PPP2R5A: variants seen among roughly 807,000 people sequenced by gnomAD.
PPP2R5A encodes the protein protein phosphatase 2 regulatory subunit B'alpha.
Under a neutral mutation model 64.2 loss-of-function variants are expected in PPP2R5A, and 25 were observed. The ratio of observed to expected loss-of-function variants is 0.39; its 90% CI spans 0.28 to 0.54. PPP2R5A has a LOEUF of 0.54. PPP2R5A is among the 20% of genes least tolerant of loss of function. The pLI, the probability that PPP2R5A is intolerant of heterozygous loss-of-function variation, is 0.67. For missense variants in PPP2R5A, 425 were observed against 576.3 expected (o/e 0.74, Z 2.69); for synonymous variants, 198 against 201.2 (o/e 0.98, Z 0.13).
rs767586562 is a variant in PPP2R5A, at chr1:212,329,709, C to T, written c.378+378C>T. On this transcript the variant is annotated intron_variant, in intron 2 of 12. Transcript: ENST00000261461. ...TAGCCCAGGCTGGAGTGCAGTGGTGCGATCTTGGCTCACTGCAACCTCTGC... is the reference window on the plus strand; with the variant it reads ...TAGCCCAGGCTGGAGTGCAGTGGTGTGATCTTGGCTCACTGCAACCTCTGC... Among the ~76,000 whole-genome samples, 18 of 152,168 alleles carry T rather than the reference C, an allele frequency of 1.2e-4. 1 individual carries two copies. Among genetic ancestry groups the T allele is most frequent in the East Asian group, 3.9e-4 (2 of 5,186 alleles).
intron 2 of PPP2R5A, among the ~76,000 whole-genome samples, chr1:212,330,099 C>A (rs1315013763): frequency 1.3e-5 from 2 of 152,098 alleles, no homozygotes; most frequent in Non-Finnish European, 2.9e-5. Flanking sequence ...AAACTGCAGC[C>A]AACTTTATTG....
intron 1 of PPP2R5A, among the ~76,000 whole-genome samples, chr1:212,310,735 A>G (rs1236608308): frequency 2.0e-5 from 3 of 152,224 alleles, no homozygotes; most frequent in African/African-American, 7.2e-5. Flanking sequence ...CACAAAAGGT[A>G]GAGCCTCTGC....
At chr1:212,338,786 CAAAAAAA>C (rs11375782) in intron 3 of PPP2R5A, among the ~76,000 whole-genome samples, 1 of 142,530 alleles carries the variant, frequency 7.0e-6, no homozygotes, top group Admixed American at 7.0e-5. Flanking sequence ...GACTCTGTCT[CAAAAAAA>C]AAAAAGAAAG....
At chr1:212,360,576 A>G in intron 12 of PPP2R5A, 62 bp from the exon 13 acceptor site, 3 of 1,382,516 alleles carry the variant, frequency 2.2e-6, no homozygotes, top group Non-Finnish European at 1.9e-6. Context: ...AAGCTGTCAA[A>G]CAGCACCTCT....
chr1:212,334,778 T>C (rs1659562635), intron 3 of PPP2R5A, among the ~76,000 whole-genome samples: 1 of 152,200 alleles, frequency 6.6e-6, no homozygotes, highest in African/African-American at 2.4e-5. Flanking sequence ...GATCTCATCA[T>C]GTATGTGAAA....
At chr1:212,355,996 C>T (rs967032847) in intron 8 of PPP2R5A, among the ~76,000 whole-genome samples, 5 of 151,810 alleles carry the variant, frequency 3.3e-5, no homozygotes, top group South Asian at 4.2e-4. Flanking sequence ...CTTGGGAGGC[C>T]GAGGTTGCAG....
intron 1 of PPP2R5A, among the ~76,000 whole-genome samples, chr1:212,295,320 G>A (rs1470793495): frequency 6.6e-6 from 1 of 152,176 alleles, no homozygotes; most frequent in Non-Finnish European, 1.5e-5. Flanking sequence ...TGGGCAACTG[G>A]ATGTATGATA....
chr1:212,313,643 T>G (rs1310610321), intron 1 of PPP2R5A: 1 of 152,018 alleles, frequency 6.6e-6, no homozygotes, highest in Non-Finnish European at 1.5e-5. Flanking sequence ...GTAGCTGGAA[T>G]AATTTATTGA....
At chr1:212,304,542 TC>T (rs1394515010) in intron 1 of PPP2R5A, among the ~76,000 whole-genome samples, 1 of 151,528 alleles carries the variant, frequency 6.6e-6, no homozygotes, top group Non-Finnish European at 1.5e-5. Context: ...AGAGCGAAAC[TC>T]CATTTCAAAA....
chr1:212,349,279 A>G (rs757059305), intron 8 of PPP2R5A, 37 bp downstream of exon 8: 2 of 1,454,972 alleles, frequency 1.4e-6, no homozygotes, highest in Non-Finnish European at 1.9e-6. Context: ...TTTGGTCTGC[A>G]TTAATAGCAT....
In PPP2R5A at chr1:212,292,677, A is replaced by G. The variant is rs186559285; in HGVS notation, c.181+6386A>G. ...AGCCTCAAACTTCTGGGCTCAGGCA[A>G]TTGTCCCAAGTAGCTAGGACTACAG... On this transcript the variant is annotated intron_variant, in intron 1 of 12. Coordinates refer to ENST00000261461, the MANE Select transcript of PPP2R5A (RefSeq NM_006243.4). 8.8e-4 allele frequency among the ~76,000 whole-genome samples: 134 copies of G among 152,242 alleles called. 1 individual carries two copies. The highest frequency in any genetic ancestry group is 2.7e-3 in the African/African-American group (113 of 41,540).
At chr1:212,351,729 A>G (rs796744482) in intron 8 of PPP2R5A, among the ~76,000 whole-genome samples, 7 of 152,056 alleles carry the variant, frequency 4.6e-5, no homozygotes. Flanking sequence ...GACTCCGTCT[A>G]AAAAGAAAAA....
chr1:212,320,578 A>ACC (rs375160494), intron 1 of PPP2R5A, among the ~76,000 whole-genome samples: 15 of 134,220 alleles, frequency 1.1e-4, no homozygotes, highest in African/African-American at 3.7e-4. Flanking sequence ...CGGGGGGCTG[A>ACC]CCCCCCCGCC....
chr1:212,352,363 C>G (rs1659901554), intron 8 of PPP2R5A, among the ~76,000 whole-genome samples: 1 of 151,958 alleles, frequency 6.6e-6, no homozygotes, highest in South Asian at 2.1e-4. Context: ...ACTAGTCAAC[C>G]CAGTGTTCGT....
intron 2 of PPP2R5A, among the ~76,000 whole-genome samples, chr1:212,332,535 C>T (rs1659521404): frequency 6.6e-6 from 1 of 152,128 alleles, no homozygotes; most frequent in African/African-American, 2.4e-5. Context: ...TTCACTGGAT[C>T]TAAAATGAAG....
intron 4 of PPP2R5A, 111 bp downstream of exon 4, chr1:212,342,391 C>T: frequency 7.5e-7 from 1 of 1,334,618 alleles, no homozygotes; most frequent in Admixed American, 2.8e-5. Flanking sequence ...AATTTGACAG[C>T]ACTTAATATT....
rs561839253 is a variant in PPP2R5A at position 212,337,441 on chromosome 1, A to G, written c.480+3843A>G. On this transcript the variant is annotated intron_variant, in intron 3 of 12. Coordinates refer to ENST00000261461, the MANE Select transcript of PPP2R5A (RefSeq NM_006243.4). ...AATAAGTTGTATTTTAGGGATTAGA[A>G]GGCTTTTCTCTCTGGGCAATATAAT... is the stretch of plus-strand genomic sequence containing the variant. Among the ~76,000 whole-genome samples the G allele has an allele frequency of 3.3e-5, 5 of 152,248 alleles. No individual in the cohort carries two copies. In the East Asian group the frequency reaches 9.6e-4, roughly 29 times the overall value.
At chr1:212,293,793 G>T (rs138869328) in intron 1 of PPP2R5A, among the ~76,000 whole-genome samples, 1 of 151,790 alleles carries the variant, frequency 6.6e-6, no homozygotes, top group African/African-American at 2.4e-5. Context: ...GCTAATTGCC[G>T]CTACTATATA....
At chr1:212,331,816 T>C (rs958326698) in intron 2 of PPP2R5A, 3 of 152,172 alleles carry the variant, frequency 2.0e-5, no homozygotes, top group Non-Finnish European at 4.4e-5. Flanking sequence ...TGTGTGTGTG[T>C]TGTTGCTTTC....
Sources: gnomAD v4.1 joint callset for allele counts (sites outside exome capture counted in the v4.1 genomes callset) on GRCh38, gnomAD v4.1.1 for gene constraint, MANE v1.5 for transcripts, NCBI Gene and HGNC (gene_info 2026-07-23, HGNC 2026-07-21) for gene names.